The following HACL1 variants were observed in gnomAD, a reference collection of about 807,000 sequenced individuals.
HACL1 encodes 2-hydroxyacyl-CoA lyase 1.
HACL1 carries 64 observed loss-of-function variants against 74.2 expected under a neutral mutation model. The ratio of observed to expected loss-of-function variants is 0.86; its 90% confidence interval spans 0.70 to 1.06. The LOEUF (loss-of-function observed/expected upper bound fraction) is 1.06. Among genes scored for constraint, HACL1 ranks in the 50% least tolerant of loss-of-function variants. The probability of loss-of-function intolerance (pLI) is 0.00; values close to 1 mark genes in which losing one functional copy is unlikely to be tolerated. For synonymous variants in HACL1, 230 were observed against 238.8 expected, an observed-to-expected ratio of 0.96 and a Z score of 0.34; for missense variants, 728 against 719.7, an observed-to-expected ratio of 1.01 and a Z score of -0.13.
intron 14 of HACL1, among the ~76,000 whole-genome samples, chr3:15,565,630 T>G (rs76938753): frequency 1.8e-4 from 27 of 152,376 alleles, no homozygotes; most frequent in Non-Finnish European, 3.5e-4. Flanking sequence ...AAAACTAAAC[T>G]GCATACTGTT....
At chr3:15,592,261 TC>T (rs1180475911) in intron 3 of HACL1, among the ~76,000 whole-genome samples, 5 of 150,242 alleles carry the variant, frequency 3.3e-5, no homozygotes, top group East Asian at 3.9e-4. Flanking sequence ...TATATATGGA[TC>T]CATATATACG....
rs768727545 is a variant in HACL1, at chr3:15,596,387, C to T, written c.224G>A (p.Ser75Asn). The change falls in exon 3 of 17, where the codon AGC (serine) becomes AAC (asparagine). Residue 75 changes from serine to asparagine, a missense_variant. Coordinates refer to ENST00000321169, the MANE Select transcript of HACL1 (RefSeq NM_012260.4). ...YAASAIGYLTSRPGVCLVVSG... is the reference protein window; with the variant it reads ...YAASAIGYLTNRPGVCLVVSG... The stretch of plus-strand genomic sequence containing the variant: ...AGTGAAACAAATTTTAGTTTACCTG[C>T]TTGTCAGATATCCAATCGCGGAGGC... 9 of 1,582,828 alleles carry T rather than the reference C, an allele frequency of 5.7e-6. No individual in the cohort carries two copies. In the Admixed American group the frequency reaches 1.3e-4, roughly 23 times the overall value.
chr3:15,593,200 C>T (rs780849868), intron 3 of HACL1, among the ~76,000 whole-genome samples: 40 of 145,572 alleles, frequency 2.7e-4, no homozygotes, highest in African/African-American at 7.2e-4. Context: ...TATATATGTG[C>T]GTGTGTGTAT....
chr3:15,589,513 A>G, intron 5 of HACL1, 27 bp downstream of exon 5: 1 of 1,509,816 alleles, frequency 6.6e-7, no homozygotes. Context: ...TAAAAATAAA[A>G]AAAACCAAAA....
chr3:15,576,495 T>C (rs1397623042), intron 9 of HACL1, among the ~76,000 whole-genome samples: 1 of 152,186 alleles, frequency 6.6e-6, no homozygotes, highest in African/African-American at 2.4e-5. Flanking sequence ...GATTTCTACT[T>C]TCGTAAACAA....
chr3:15,576,559 A>G (rs766435283), intron 9 of HACL1, among the ~76,000 whole-genome samples: 5 of 152,164 alleles, frequency 3.3e-5, no homozygotes, highest in Non-Finnish European at 5.9e-5. Context: ...GTCTTGTTTT[A>G]AAGCTGTATC....
chr3:15,573,360 T>A, intron 10 of HACL1, 118 bp from the exon 11 acceptor site: 1 of 627,938 alleles, frequency 1.6e-6, no homozygotes, highest in South Asian at 2.0e-5. Context: ...GAAGATTTGA[T>A]ATTCAGAAGT....
intron 8 of HACL1, among the ~76,000 whole-genome samples, chr3:15,581,121 C>G (rs1484340911): frequency 6.6e-6 from 1 of 152,178 alleles, no homozygotes; most frequent in Non-Finnish European, 1.5e-5. Flanking sequence ...AGGATGGTCT[C>G]GAACTCCTGA....
chr3:15,580,886 G>C (rs1176042616), intron 8 of HACL1, among the ~76,000 whole-genome samples: 1 of 152,148 alleles, frequency 6.6e-6, no homozygotes, highest in Non-Finnish European at 1.5e-5. Flanking sequence ...GCTAACCCCA[G>C]TGGGACACAT....
rs558474334 is a variant in HACL1 at position 15,578,873 on chromosome 3, A to C, written c.803+1037T>G. 2.4e-4 allele frequency among the ~76,000 whole-genome samples: 36 copies of C among 152,338 alleles called. No homozygotes were observed. The South Asian group carries it at 3.9e-3, about 17-fold the overall frequency. ...ATACTATAAGGGAGCAGCAAGAGCC[A>C]GGAAAAGGGGCAACTGAGAATGGGA... On this transcript the variant is annotated intron_variant, in intron 9 of 16. Transcript: ENST00000321169.
chr3:15,564,448 T>C (rs2063397027), intron 15 of HACL1, 103 bp downstream of exon 15: 1 of 657,244 alleles, frequency 1.5e-6, no homozygotes, highest in Non-Finnish European at 2.8e-6. Flanking sequence ...AAACGGACAA[T>C]ACTCATACCA....
In HACL1 at chr3:15,574,450, G is replaced by C. The variant is rs2063588794; in HGVS notation, c.909+527C>G. On this transcript the variant is annotated intron_variant, in intron 10 of 16. Transcript: ENST00000321169. ...AGGTTTGCACACCACTATGCAGGTA[G>C]TACTTTCCACACCAGTAAAGAAAAT... is the stretch of plus-strand genomic sequence containing the variant. 1.3e-5 allele frequency among the ~76,000 whole-genome samples: 2 copies of C among 152,230 alleles called. 1 individual carries two copies. Among genetic ancestry groups the C allele is most frequent in the South Asian group, 4.1e-4 (2 of 4,826 alleles).
rs765561319 is a variant in HACL1, at chr3:15,560,856, C to T, written c.*9G>A. 1.0e-5 allele frequency: 16 copies of T among 1,590,674 alleles called. No individual in the cohort carries two copies. Among genetic ancestry groups the T allele is most frequent in the Admixed American group, 3.4e-5 (2 of 58,056 alleles). On this transcript the variant is annotated 3_prime_UTR_variant, in exon 17 of 17. Transcript: ENST00000321169. ...GAGAAAACTCAAGACCACCAACTGG[C>T]GTCTTTATTTACATATTAGAGCGGG...
At chr3:15,572,631 G>A (rs1240330136) in intron 11 of HACL1, among the ~76,000 whole-genome samples, 1 of 152,170 alleles carries the variant, frequency 6.6e-6, no homozygotes, top group East Asian at 1.9e-4. Context: ...ATACCAAATT[G>A]TATCATCCAA....
At chr3:15,569,658 T>C (rs1422081422) in intron 12 of HACL1, among the ~76,000 whole-genome samples, 1 of 151,924 alleles carries the variant, frequency 6.6e-6, no homozygotes, top group Non-Finnish European at 1.5e-5. Context: ...TCTGTCTCTA[T>C]TAAAAATACA....
intron 2 of HACL1, among the ~76,000 whole-genome samples, chr3:15,599,041 GT>G (rs2064126275): frequency 1.3e-5 from 2 of 152,202 alleles, no homozygotes; most frequent in Non-Finnish European, 2.9e-5. Context: ...TTCCTAACTG[GT>G]TAATGCCTGC....
At position 15,585,274 on chromosome 3, in the gene HACL1, G is replaced by T; in HGVS notation, c.528C>A (p.Asn176Lys). ...TTATAGAATTCACATTCACCTGAAG[G>T]TTCACAAAATCTGCTGGTATGTCAA... ...CYVDIPADFV[N>K]LQVNVNSIKY... Residue 176 changes from asparagine (N) to lysine (K), a missense_variant, in exon 7 of 17, where the codon AAC becomes AAA. By Grantham distance (94) the Asn-to-Lys change is moderately conservative (BLOSUM62 0). Transcript: ENST00000321169. 6.3e-7 allele frequency: 1 copy of T among 1,590,502 alleles called. No homozygotes were observed. Among genetic ancestry groups the T allele is most frequent in the Non-Finnish European group, 8.6e-7 (1 of 1,158,610 alleles).
At chr3:15,592,341 C>G (rs2063938237) in intron 3 of HACL1, among the ~76,000 whole-genome samples, 1 of 138,628 alleles carries the variant, frequency 7.2e-6, no homozygotes, top group Non-Finnish European at 1.5e-5. Context: ...CTCTGGGCAC[C>G]AGAGTATACT....
At chr3:15,591,894 T>C (rs1266983873) in intron 3 of HACL1, among the ~76,000 whole-genome samples, 1 of 150,658 alleles carries the variant, frequency 6.6e-6, no homozygotes, top group Non-Finnish European at 1.5e-5. Context: ...ACGTATATAG[T>C]GTATACACTA....
Sources: allele counts gnomAD v4.1 joint callset (sites outside exome capture counted in the v4.1 genomes callset), GRCh38; gene constraint gnomAD v4.1.1; transcripts MANE v1.5; gene names NCBI Gene and HGNC (gene_info 2026-07-23, HGNC 2026-07-21).